Variants in VPS50 observed in about 807,000 individuals in gnomAD.
VPS50 encodes syndetin.
In VPS50, 70 loss-of-function variants were observed where a neutral mutation model predicts 139.7. That is an observed-to-expected ratio of 0.50 (90% CI 0.41 to 0.61). The LOEUF (loss-of-function observed/expected upper bound fraction) is 0.61, where lower values mean the gene tolerates loss of function less well. VPS50 is among the 20% of genes least tolerant of loss of function. The pLI, the probability that VPS50 is intolerant of heterozygous loss-of-function variation, is 0.00. For missense variants in VPS50, 921 were observed against 1,133.7 expected, an observed-to-expected ratio of 0.81 and a Z score of 2.69; for synonymous variants, 365 against 376.7, an observed-to-expected ratio of 0.97 and a Z score of 0.36.
Position 93,239,910 on chromosome 7 carries a change from A to G in VPS50, c.78A>G (p.Ile26Met), listed in dbSNP as rs1237276577. ...AAAGCCTCAGTGATCTTGGTGCCAT[A>G]GAGAGTCTCCGGGTCCCTGGAAAGG... is the stretch of plus-strand genomic sequence containing the variant. The part of the protein sequence containing the change: ...PQESLSDLGA[I>M]ESLRVPGKEE... The change falls in exon 2 of 28, where the codon ATA (isoleucine) becomes ATG (methionine). Residue 26 changes from isoleucine (I) to methionine (M), a missense_variant. By Grantham distance (10) the Ile-to-Met change is conservative. This residue lies in a region of VPS50 where 744 missense variants were observed against 930.6 expected (regional missense o/e 0.80). Coordinates refer to ENST00000305866, the MANE Select transcript of VPS50 (RefSeq NM_017667.4). 1.2e-6 allele frequency: 2 copies of G among 1,604,740 alleles called. No homozygotes were observed. Among genetic ancestry groups the G allele is most frequent in the Non-Finnish European group, 1.7e-6 (2 of 1,171,906 alleles).
chr7:93,330,136 G>T (rs9886012), intron 21 of VPS50, among the ~76,000 whole-genome samples: 1 of 152,054 alleles, frequency 6.6e-6, no homozygotes, highest in African/African-American at 2.4e-5. Flanking sequence ...GTATGTGGGG[G>T]GTTATGATGT....
intron 23 of VPS50, among the ~76,000 whole-genome samples, chr7:93,348,170 T>C (rs1798458095): frequency 4.6e-5 from 7 of 152,110 alleles, no homozygotes; most frequent in Admixed American, 4.6e-4. Flanking sequence ...CTGCAGGCAG[T>C]AGTCCAGGCT....
chr7:93,273,543 G>A (rs1796071285), intron 11 of VPS50: 1 of 151,938 alleles, frequency 6.6e-6, no homozygotes, highest in South Asian at 2.1e-4. Flanking sequence ...AATCTAAGAA[G>A]AAAGAACTTA....
chr7:93,263,174 A>G (rs1795738400), intron 9 of VPS50, among the ~76,000 whole-genome samples: 1 of 152,146 alleles, frequency 6.6e-6, no homozygotes, highest in Admixed American at 6.5e-5. Context: ...AATGTATTTA[A>G]TTGACTTGGG....
At chr7:93,243,999 C>T (rs758143853) in intron 2 of VPS50, among the ~76,000 whole-genome samples, 5 of 151,372 alleles carry the variant, frequency 3.3e-5, no homozygotes, top group Non-Finnish European at 7.4e-5. Context: ...GTTTTTTTGG[C>T]CTCAATTTAA....
Position 93,264,454 on chromosome 7 carries a change from TTTA to T in VPS50, c.659+4828_659+4830del, listed in dbSNP as rs539137677. On this transcript the variant is annotated intron_variant, in intron 9 of 27. Transcript: ENST00000305866. Reference sequence around the variant, plus strand: ...AGTTAATTTTAAAAGTCAAAACTGCTTTATTATTGTATTTCATTTGAAAGAAAC... The same window carrying T: ...AGTTAATTTTAAAAGTCAAAACTGCTTTATTGTATTTCATTTGAAAGAAAC... Among the ~76,000 whole-genome samples the T allele has an allele frequency of 4.3e-4, 66 of 152,346 alleles. 1 individual carries two copies. The South Asian group carries it at 9.5e-3, about 22-fold the overall frequency.
intron 22 of VPS50, among the ~76,000 whole-genome samples, 191 bp downstream of exon 22, chr7:93,334,388 T>G (rs1798017846): frequency 6.6e-6 from 1 of 152,202 alleles, no homozygotes; most frequent in Non-Finnish European, 1.5e-5. Context: ...CATAAAAGAA[T>G]ATGATATTGG....
chr7:93,247,305 T>C (rs1795185181), intron 2 of VPS50, among the ~76,000 whole-genome samples: 1 of 151,986 alleles, frequency 6.6e-6, no homozygotes, highest in African/African-American at 2.4e-5. Context: ...GGTTCTAATA[T>C]ACAAAAAATA....
At chr7:93,278,767 C>T (rs930220907) in intron 12 of VPS50, among the ~76,000 whole-genome samples, 11 of 147,246 alleles carry the variant, frequency 7.5e-5, no homozygotes, top group Admixed American at 4.7e-4. Flanking sequence ...TATCCATATA[C>T]GTGTGATAGT....
At chr7:93,246,915 G>C (rs1309586612) in intron 2 of VPS50, among the ~76,000 whole-genome samples, 1 of 151,838 alleles carries the variant, frequency 6.6e-6, no homozygotes, top group Non-Finnish European at 1.5e-5. Flanking sequence ...GTTTTACATA[G>C]CTGAATCCCC....
intron 27 of VPS50, 78 bp from the exon 28 acceptor site, chr7:93,358,239 A>G: frequency 7.5e-7 from 1 of 1,330,546 alleles, no homozygotes; most frequent in Non-Finnish European, 1.1e-6. Flanking sequence ...GCACCTGAAT[A>G]TCCGCCTGTT....
At chr7:93,325,719 G>A (rs1476952188) in intron 21 of VPS50, among the ~76,000 whole-genome samples, 1 of 151,940 alleles carries the variant, frequency 6.6e-6, no homozygotes, top group Admixed American at 6.6e-5. Flanking sequence ...CTGGACATCA[G>A]AGAAATGCAA....
chr7:93,329,742 C>A (rs1175670265), intron 21 of VPS50, among the ~76,000 whole-genome samples: 7 of 151,992 alleles, frequency 4.6e-5, no homozygotes, highest in African/African-American at 1.7e-4. Flanking sequence ...AGAGTTAACA[C>A]CTTGAAGGTA....
At chr7:93,249,631 A>G (rs1020364582) in intron 2 of VPS50, among the ~76,000 whole-genome samples, 6 of 152,142 alleles carry the variant, frequency 3.9e-5, no homozygotes, top group African/African-American at 7.2e-5. Context: ...AATGGTATCA[A>G]CTGCATTTAT....
Position 93,305,924 on chromosome 7 carries a change from T to C in VPS50, c.1549T>C (p.Tyr517His), listed in dbSNP as rs764058183. The C allele has an allele frequency of 6.2e-7, 1 of 1,612,058 alleles. No individual in the cohort carries two copies. The highest frequency in any genetic ancestry group is 1.1e-5 in the South Asian group (1 of 91,026). Residue 517 changes from tyrosine to histidine, a missense_variant, in exon 18 of 28, where the codon TAC (tyrosine) becomes CAC (histidine). Tyr to His is a moderately conservative substitution (Grantham distance 83). Around this residue, in one of 3 missense-constraint regions of VPS50, gnomAD observed 744 missense variants for 930.6 expected, o/e 0.80. Coordinates refer to ENST00000305866, the MANE Select transcript of VPS50 (RefSeq NM_017667.4). ...AAAAACAGTGACCTTGTTTGAGCAG[T>C]ACTGTAGTGGTGGGAATCCATTTGA... is the stretch of plus-strand genomic sequence containing the variant. ...SSKTVTLFEQYCSGGNPFEIQ... is the reference protein window; with the variant it reads ...SSKTVTLFEQHCSGGNPFEIQ...
chr7:93,354,995 C>A (rs1252442584), intron 26 of VPS50, among the ~76,000 whole-genome samples: 1 of 151,998 alleles, frequency 6.6e-6, no homozygotes, highest in Non-Finnish European at 1.5e-5. Flanking sequence ...GTATTGAAAC[C>A]AGCAGTGCTA....
In VPS50 at chr7:93,259,531, CTGT is replaced by C. The variant is rs1345723977; in HGVS notation, c.577-11_577-9del. The stretch of plus-strand genomic sequence containing the variant: ...AAAAATGTTTCTATTCCAATGACTC[CTGT>C]TGTTGTTACCTTAAGGAGGAAGATT... On this transcript the variant is annotated splice_polypyrimidine_tract_variant and intron_variant, in intron 8 of 27. Coordinates refer to ENST00000305866, the MANE Select transcript of VPS50 (RefSeq NM_017667.4). 10 of 1,345,192 alleles carry C rather than the reference CTGT, an allele frequency of 7.4e-6. No individual in the cohort carries two copies. Among genetic ancestry groups the C allele is most frequent in the Non-Finnish European group, 9.6e-6 (9 of 940,510 alleles). The allele number at this position is 1,345,192 out of a possible 1,614,324, so 83.3% of individuals were successfully genotyped here.
At chr7:93,334,671 C>G (rs557610579) in intron 22 of VPS50, among the ~76,000 whole-genome samples, 1 of 152,214 alleles carries the variant, frequency 6.6e-6, no homozygotes, top group East Asian at 1.9e-4. Flanking sequence ...TTATAAACGG[C>G]TTTGAAATTC....
At chr7:93,330,451 A>G (rs1335050919) in intron 21 of VPS50, among the ~76,000 whole-genome samples, 1 of 152,116 alleles carries the variant, frequency 6.6e-6, no homozygotes, top group Non-Finnish European at 1.5e-5. Flanking sequence ...ACAAAAAGAC[A>G]TACTTTAAAT....
Sources: gnomAD v4.1 joint callset for allele counts (sites outside exome capture counted in the v4.1 genomes callset) on GRCh38, gnomAD v4.1.1 for gene constraint, gnomAD v4.1.1 regional missense constraint, MANE v1.5 for transcripts, NCBI Gene and HGNC (gene_info 2026-07-23, HGNC 2026-07-21) for gene names.